The following HSPA12A variants were observed in gnomAD, a reference collection of about 807,000 sequenced individuals.
HSPA12A encodes heat shock protein family A (Hsp70) member 12A.
A neutral mutation model predicts 69.2 loss-of-function variants in HSPA12A; 28 were observed. The observed-to-expected ratio is 0.40, with a 90% CI of 0.30 to 0.55. The LOEUF is 0.55. HSPA12A is among the 20% of genes least tolerant of loss of function. The pLI is 0.38. For synonymous variants in HSPA12A, 345 were observed against 370.5 expected, an observed-to-expected ratio of 0.93 and a Z score of 0.79; for missense variants, 686 against 900.7, an observed-to-expected ratio of 0.76 and a Z score of 3.05.
chr10:116,678,037 G>T, intron 10 of HSPA12A, among the ~76,000 whole-genome samples: 1 of 149,384 alleles, frequency 6.7e-6, no homozygotes, highest in African/African-American at 2.5e-5. Context: ...TATTTATCCT[G>T]TCTTCCCTAA....
At chr10:116,767,921 A>G (rs1046354568) in intron 2 of HSPA12A, among the ~76,000 whole-genome samples, 7 of 152,224 alleles carry the variant, frequency 4.6e-5, no homozygotes, top group African/African-American at 1.4e-4. Flanking sequence ...GCAGGGCTAC[A>G]AAAACAGCCT....
At chr10:116,810,412 G>A (rs1845154534) in intron 2 of HSPA12A, among the ~76,000 whole-genome samples, 2 of 152,186 alleles carry the variant, frequency 1.3e-5, no homozygotes, top group Admixed American at 1.3e-4. Context: ...TGATTTAGAC[G>A]AGGGTTTTTT....
intron 2 of HSPA12A, among the ~76,000 whole-genome samples, chr10:116,786,979 C>T (rs1301256409): frequency 5.3e-5 from 6 of 113,346 alleles, no homozygotes; most frequent in Non-Finnish European, 1.1e-4. Context: ...CCAATCACCT[C>T]CCGGACACAC....
At chr10:116,782,677 AG>A (rs1310974109) in intron 2 of HSPA12A, among the ~76,000 whole-genome samples, 3 of 152,226 alleles carry the variant, frequency 2.0e-5, no homozygotes, top group Non-Finnish European at 4.4e-5. Flanking sequence ...TAGGGCTCAT[AG>A]ACATGCTATC....
chr10:116,693,756 T>C (rs1849804194), intron 5 of HSPA12A, among the ~76,000 whole-genome samples: 1 of 152,244 alleles, frequency 6.6e-6, no homozygotes, highest in African/African-American at 2.4e-5. Flanking sequence ...CAAATGATTT[T>C]TTTTTGCCTT....
In HSPA12A at chr10:116,739,921, G is replaced by A. The variant is rs543527264; in HGVS notation, c.40+2509C>T. ...CTGCACTTGTTGGAGAAGATTTCAT[G>A]GCCAGCCTTTCTGACACCACCCCCC... On this transcript the variant is annotated intron_variant, in intron 1 of 11. Transcript: ENST00000369209. Among the ~76,000 whole-genome samples, 54 of 151,400 alleles carry A rather than the reference G, an allele frequency of 3.6e-4. 1 individual carries two copies. In the South Asian group the frequency reaches 4.2e-3, roughly 12 times the overall value.
rs116846326 is a variant in HSPA12A at position 116,828,388 on chromosome 10, T to C, written c.91+6547A>G. Reference sequence around the variant, plus strand: ...GCAGGAAGGACATGGCTGCGAGGCATGGCCCTGGCAAAGCTGGCATTCAGG... The same window carrying C: ...GCAGGAAGGACATGGCTGCGAGGCACGGCCCTGGCAAAGCTGGCATTCAGG... On this transcript the variant is annotated intron_variant, in intron 2 of 12. Transcript: ENST00000635765. 5.6e-4 allele frequency among the ~76,000 whole-genome samples: 86 copies of C among 152,316 alleles called. 2 individuals carry two copies. In the East Asian group the frequency reaches 0.015, roughly 26 times the overall value.
chr10:116,752,045 C>G (rs1211559058), intron 2 of HSPA12A, among the ~76,000 whole-genome samples: 1 of 152,218 alleles, frequency 6.6e-6, no homozygotes, highest in African/African-American at 2.4e-5. Context: ...TATAGCAACA[C>G]AAAAATGGAC....
chr10:116,785,040 C>G (rs1296167477), intron 2 of HSPA12A, among the ~76,000 whole-genome samples: 1 of 152,130 alleles, frequency 6.6e-6, no homozygotes, highest in Admixed American at 6.5e-5. Context: ...GCCCTAATAA[C>G]AAGTTGAGGA....
intron 1 of HSPA12A, among the ~76,000 whole-genome samples, chr10:116,720,732 C>T (rs1239832051): frequency 1.3e-5 from 2 of 152,230 alleles, no homozygotes; most frequent in South Asian, 2.1e-4. Context: ...GCTGTGTGAC[C>T]GTCTGCACGT....
At chr10:116,799,397 G>A (rs1339184365) in intron 2 of HSPA12A, among the ~76,000 whole-genome samples, 2 of 152,180 alleles carry the variant, frequency 1.3e-5, no homozygotes, top group African/African-American at 4.8e-5. Flanking sequence ...ACTGCATTTG[G>A]AGGCAGGAGA....
intron 1 of HSPA12A, among the ~76,000 whole-genome samples, chr10:116,734,717 A>G (rs1851261150): frequency 6.9e-6 from 1 of 143,982 alleles, no homozygotes; most frequent in Non-Finnish European, 1.5e-5. Flanking sequence ...TTCTGGGCTG[A>G]GCACGGTGGC....
At chr10:116,848,840 C>T (rs1476198518) in intron 1 of HSPA12A, among the ~76,000 whole-genome samples, 1 of 152,222 alleles carries the variant, frequency 6.6e-6, no homozygotes, top group Non-Finnish European at 1.5e-5. Flanking sequence ...TTAGGGTTCA[C>T]CCCAGATATT....
intron 2 of HSPA12A, among the ~76,000 whole-genome samples, chr10:116,774,411 C>T (rs1159979939): frequency 2.0e-5 from 3 of 152,206 alleles, no homozygotes; most frequent in African/African-American, 7.2e-5. Context: ...TGGTCCCTGA[C>T]CAGCAGCATT....
intron 2 of HSPA12A, among the ~76,000 whole-genome samples, chr10:116,801,814 C>T (rs1844963044): frequency 1.3e-5 from 2 of 151,978 alleles, no homozygotes; most frequent in Non-Finnish European, 2.9e-5. Context: ...GTACCAAAGG[C>T]AATCTCCTGG....
chr10:116,773,303 T>C (rs892083182), intron 2 of HSPA12A, among the ~76,000 whole-genome samples: 6 of 148,558 alleles, frequency 4.0e-5, no homozygotes, highest in African/African-American at 1.0e-4. Context: ...GAGCAGTACA[T>C]GGTAGCACAG....
rs1021896408 is a variant in HSPA12A, at chr10:116,671,220, G to A, written c.*3561C>T. On this transcript the variant is annotated 3_prime_UTR_variant, in exon 12 of 12. Transcript: ENST00000369209. ...GATTCAGAGTTTTGCTTTATTAGGC[G>A]TCTGTGAAGACAAGAGAGTTTGCAG... 8.5e-5 allele frequency: 13 copies of A among 152,184 alleles called. No homozygotes were observed. Among genetic ancestry groups the A allele is most frequent in the African/African-American group, 2.2e-4 (9 of 41,442 alleles). 9.4% of individuals were successfully genotyped at this position (152,184 alleles called of 1,614,324 possible).
chr10:116,799,505 G>A (rs1016965248), intron 2 of HSPA12A, among the ~76,000 whole-genome samples: 3 of 151,972 alleles, frequency 2.0e-5, no homozygotes, highest in East Asian at 1.9e-4. Context: ...GCACACACAC[G>A]CACACGCACA....
chr10:116,702,122 CAGAGAG>C (rs60517749), intron 3 of HSPA12A, among the ~76,000 whole-genome samples: 7,974 of 149,310 alleles, frequency 0.053, 383 homozygotes, highest in East Asian at 0.27. Flanking sequence ...AAAGAAATGA[CAGAGAG>C]AGAGAGAGAG....
Sources: allele counts gnomAD v4.1 joint callset (sites outside exome capture counted in the v4.1 genomes callset), GRCh38; gene constraint gnomAD v4.1.1; transcripts MANE v1.5; gene names NCBI Gene and HGNC (gene_info 2026-07-23, HGNC 2026-07-21).